The following ZMYM2 variants were observed in gnomAD, a reference collection of about 807,000 sequenced individuals.
The protein encoded by ZMYM2 is zinc finger MYM-type protein 2.
ZMYM2 carries 56 observed loss-of-function variants against 162.8 expected under a neutral mutation model. That is an observed-to-expected ratio of 0.34 (90% CI 0.28 to 0.43). ZMYM2 has a LOEUF of 0.43. Among genes scored for constraint, ZMYM2 ranks in the 20% least tolerant of loss-of-function variants. The pLI is 1.00. For missense variants in ZMYM2, 1,275 were observed against 1,621.8 expected (o/e 0.79, Z 3.67); for synonymous variants, 510 against 541.6 (o/e 0.94, Z 0.81).
the ZMYM2 span, among the ~76,000 whole-genome samples, chr13:19,885,245 TC>T: frequency 1.3e-5 from 2 of 152,194 alleles, no homozygotes; most frequent in South Asian, 4.2e-4. Context: ...CTGCATTCCA[TC>T]CTGGGCCACG....
At chr13:19,898,255 CAG>C in the ZMYM2 span, among the ~76,000 whole-genome samples, 2 of 144,012 alleles carry the variant, frequency 1.4e-5, no homozygotes, top group Non-Finnish European at 3.0e-5. Flanking sequence ...TTTTTTGAGA[CAG>C]AGTCTCACTG....
intron 14 of ZMYM2, among the ~76,000 whole-genome samples, chr13:20,057,009 C>T (rs1439067186): frequency 6.6e-6 from 1 of 152,168 alleles, no homozygotes; most frequent in African/African-American, 2.4e-5. Flanking sequence ...TTTCATGGGG[C>T]ACATCAAAGG....
At chr13:19,985,531 G>T (rs1302279070) in intron 2 of ZMYM2, among the ~76,000 whole-genome samples, 2 of 68,744 alleles carry the variant, frequency 2.9e-5, no homozygotes, top group Non-Finnish European at 1.1e-4. Context: ...TTGAATGGTT[G>T]TGTTTTTTTT....
chr13:20,076,652 G>A (rs1957524704), intron 21 of ZMYM2, among the ~76,000 whole-genome samples: 1 of 150,082 alleles, frequency 6.7e-6, no homozygotes. Flanking sequence ...ATGGAGGGAT[G>A]TGTTTTTTAA....
intron 12 of ZMYM2, among the ~76,000 whole-genome samples, chr13:20,045,049 CAAA>C (rs933854935): frequency 1.7e-4 from 8 of 47,474 alleles, no homozygotes; most frequent in Non-Finnish European, 1.7e-4. Flanking sequence ...GACTCTGTGT[CAAA>C]AAAAAAAAAA....
chr13:19,936,414 C>T, the ZMYM2 span, among the ~76,000 whole-genome samples: 1 of 152,024 alleles, frequency 6.6e-6, no homozygotes, highest in African/African-American at 2.4e-5. Flanking sequence ...GGAAGAGGTA[C>T]GTAATTTTTT....
intron 21 of ZMYM2, among the ~76,000 whole-genome samples, chr13:20,078,934 C>G (rs1396740049): frequency 2.0e-5 from 3 of 151,690 alleles, no homozygotes; most frequent in Non-Finnish European, 4.4e-5. Flanking sequence ...ATTTAGGGAA[C>G]TCTAGTTTTC....
intron 23 of ZMYM2, among the ~76,000 whole-genome samples, chr13:20,083,252 G>A (rs1364021881): frequency 1.3e-5 from 2 of 152,088 alleles, no homozygotes; most frequent in Non-Finnish European, 2.9e-5. Context: ...AGTAGAGACA[G>A]GGTTTCTCCA....
At chr13:19,878,925 T>C in the ZMYM2 span, among the ~76,000 whole-genome samples, 1 of 152,212 alleles carries the variant, frequency 6.6e-6, no homozygotes, top group African/African-American at 2.4e-5. Flanking sequence ...AAATATTTTC[T>C]CCTATTCTGT....
the ZMYM2 span, among the ~76,000 whole-genome samples, chr13:19,899,383 T>G: frequency 6.6e-6 from 1 of 151,816 alleles, no homozygotes; most frequent in Non-Finnish European, 1.5e-5. Context: ...TTTTTACAGT[T>G]AAAGAGAAGA....
At chr13:19,865,538 T>C in the ZMYM2 span, among the ~76,000 whole-genome samples, 1 of 152,316 alleles carries the variant, frequency 6.6e-6, no homozygotes, top group East Asian at 1.9e-4. Context: ...CTGCTGTAAA[T>C]TACAAGCACT....
Position 20,059,508 on chromosome 13 carries a change from T to G in ZMYM2, c.2685T>G (p.Val895=), listed in dbSNP as rs1439766924. The change falls in exon 16 of 25, where the codon GTT becomes GTG. Residue 895 remains valine (V), a synonymous_variant. Coordinates refer to ENST00000610343, the MANE Select transcript of ZMYM2 (RefSeq NM_197968.4). ...TCCCTGTGCCTGTGTATATCCCAGT[T>G]CCTATGCACATGTACAGTCAGAATA... is the stretch of plus-strand genomic sequence containing the variant. The part of the protein sequence containing the change: ...VPIPVPVYIP[V]PMHMYSQNIP... 2 of 1,493,700 alleles carry G rather than the reference T, an allele frequency of 1.3e-6. No individual in the cohort carries two copies. The highest frequency in any genetic ancestry group is 4.5e-5 in the East Asian group (2 of 44,254). The allele number at this position is 1,493,700 out of a possible 1,614,324, so 92.5% of individuals were successfully genotyped here. A position where few individuals can be genotyped will look rare whatever the true frequency, so the allele number is the denominator to read the frequency against.
At chr13:19,888,068 C>T in the ZMYM2 span, among the ~76,000 whole-genome samples, 1,876 of 151,786 alleles carry the variant, frequency 0.012, 65 homozygotes, top group African/African-American at 0.041. Context: ...TATGTAGAGA[C>T]GGAATTTCTC....
chr13:19,866,888 C>CAGCA, the ZMYM2 span, among the ~76,000 whole-genome samples: 1 of 151,376 alleles, frequency 6.6e-6, no homozygotes, highest in Non-Finnish European at 1.5e-5. Context: ...GAGTGAGACC[C>CAGCA]TGTCTCAAAA....
chr13:20,046,625 ATATG>A (rs1483520369), intron 12 of ZMYM2, among the ~76,000 whole-genome samples: 2 of 140,572 alleles, frequency 1.4e-5, no homozygotes, highest in South Asian at 2.3e-4. Context: ...ATGTGTATAT[ATATG>A]TGTATATATA....
chr13:19,881,980 CAAAAAAAAAA>C, the ZMYM2 span, among the ~76,000 whole-genome samples: 189 of 121,746 alleles, frequency 1.6e-3, no homozygotes, highest in Non-Finnish European at 2.5e-3. Flanking sequence ...ACTCTGTATC[CAAAAAAAAAA>C]AAAAAAAAAA....
intron 2 of ZMYM2, among the ~76,000 whole-genome samples, chr13:19,962,759 A>G (rs778235999): frequency 6.6e-6 from 1 of 150,614 alleles, no homozygotes; most frequent in South Asian, 2.1e-4. Flanking sequence ...CCTGGCCTCA[A>G]GTTATTCGCC....
At chr13:20,051,255 A>ATCT (rs1555319991) in intron 12 of ZMYM2, among the ~76,000 whole-genome samples, 178 bp from the exon 13 acceptor site, 81,730 of 133,224 alleles carry the variant, frequency 0.61, 26,363 homozygotes, top group South Asian at 0.76. Flanking sequence ...GTGAAATTGT[A>ATCT]TTTTTTTTTT....
At chr13:19,988,450 C>T (rs954698876) in intron 2 of ZMYM2, among the ~76,000 whole-genome samples, 4 of 152,160 alleles carry the variant, frequency 2.6e-5, no homozygotes, top group Non-Finnish European at 5.9e-5. Flanking sequence ...CTACTCTGTG[C>T]TCAAGCATTG....
Sources: allele counts gnomAD v4.1 joint callset (sites outside exome capture counted in the v4.1 genomes callset), GRCh38; gene constraint gnomAD v4.1.1; transcripts MANE v1.5; gene names NCBI Gene and HGNC (gene_info 2026-07-23, HGNC 2026-07-21).